TRIM2: variants seen among roughly 807,000 people sequenced by gnomAD.
TRIM2 encodes tripartite motif containing 2, also known as tripartite motif-containing protein 2.
Under a neutral mutation model 75.2 loss-of-function variants are expected in TRIM2, and 20 were observed. The ratio of observed to expected loss-of-function variants is 0.27; its 90% CI spans 0.19 to 0.39. The LOEUF (loss-of-function observed/expected upper bound fraction) is 0.39, where lower values mean the gene tolerates loss of function less well. Ranked by LOEUF, TRIM2 falls within the 10% of genes least tolerant of loss-of-function variation. The probability of loss-of-function intolerance (pLI) is 1.00; values close to 1 mark genes in which losing one functional copy is unlikely to be tolerated. For missense variants in TRIM2, 660 were observed against 990.8 expected (o/e 0.67, Z 4.48); for synonymous variants, 373 against 388.3 (o/e 0.96, Z 0.46).
intron 1 of TRIM2, 41 bp downstream of exon 1, chr4:153,204,601 C>A (rs1181184893): frequency 6.4e-7 from 1 of 1,551,390 alleles, no homozygotes; most frequent in African/African-American, 1.4e-5. Flanking sequence ...TTTTTCTGGG[C>A]CAGCTGGTTA....
intron 1 of TRIM2, among the ~76,000 whole-genome samples, chr4:153,223,656 C>T (rs969190725): frequency 6.6e-6 from 1 of 152,152 alleles, no homozygotes; most frequent in Non-Finnish European, 1.5e-5. Context: ...GACGGTTCGT[C>T]TCACTAAATG....
At chr4:153,232,950 G>A (rs1284408749) in intron 1 of TRIM2, among the ~76,000 whole-genome samples, 1 of 152,124 alleles carries the variant, frequency 6.6e-6, no homozygotes, top group Non-Finnish European at 1.5e-5. Flanking sequence ...TGACAGAGCC[G>A]GGTGGAGCTG....
upstream of TRIM2, among the ~76,000 whole-genome samples, chr4:153,201,715 G>A (rs1380438866): frequency 6.6e-6 from 1 of 151,988 alleles, no homozygotes; most frequent in East Asian, 1.9e-4. Context: ...AAAAAAGAAA[G>A]AAAAAATTTA....
At chr4:153,182,047 C>G (rs1363310776) in intron 1 of TRIM2, among the ~76,000 whole-genome samples, 2 of 152,176 alleles carry the variant, frequency 1.3e-5, no homozygotes, top group African/African-American at 4.8e-5. Context: ...ATGCATGAGG[C>G]TCCCCACCCA....
At chr4:153,233,368 G>C (rs983578734) in intron 1 of TRIM2, among the ~76,000 whole-genome samples, 3 of 151,996 alleles carry the variant, frequency 2.0e-5, no homozygotes, top group Non-Finnish European at 4.4e-5. Flanking sequence ...TGGTGTGGGG[G>C]GTTTTTATTG....
At chr4:153,262,797 C>T (rs182287993) in intron 1 of TRIM2, among the ~76,000 whole-genome samples, 94 of 152,226 alleles carry the variant, frequency 6.2e-4, no homozygotes, top group Non-Finnish European at 1.0e-3. Flanking sequence ...GTTAGTTCGG[C>T]CTACATCTAG....
At chr4:153,222,002 G>GC (rs1560836013) in intron 1 of TRIM2, among the ~76,000 whole-genome samples, 5 of 128,046 alleles carry the variant, frequency 3.9e-5, no homozygotes, top group Admixed American at 8.1e-5. Context: ...GAGGAAGGAA[G>GC]GAAAGAAGGA....
chr4:153,220,963 G>GT (rs1372966278), intron 1 of TRIM2, among the ~76,000 whole-genome samples: 2 of 152,006 alleles, frequency 1.3e-5, no homozygotes, highest in Non-Finnish European at 2.9e-5. Context: ...TAGAATTAGC[G>GT]TATGACCCAG....
At chr4:153,326,937 G>C (rs998646861) in intron 10 of TRIM2, among the ~76,000 whole-genome samples, 5 of 143,366 alleles carry the variant, frequency 3.5e-5, no homozygotes, top group Non-Finnish European at 7.5e-5. Flanking sequence ...CCAAGATTGT[G>C]CCACTGCATT....
chr4:153,235,522 G>C (rs1022137696), intron 1 of TRIM2, among the ~76,000 whole-genome samples: 23 of 152,126 alleles, frequency 1.5e-4, no homozygotes, highest in African/African-American at 5.6e-4. Flanking sequence ...CTCAACTTAA[G>C]TGATCCACCT....
chr4:153,300,895 A>G (rs1276045529), intron 6 of TRIM2, among the ~76,000 whole-genome samples: 1 of 151,660 alleles, frequency 6.6e-6, no homozygotes, highest in Non-Finnish European at 1.5e-5. Flanking sequence ...TTTTATTTTA[A>G]AAATAGACAT....
chr4:153,276,161 G>A, intron 3 of TRIM2, 31 bp downstream of exon 3: 1 of 1,575,054 alleles, frequency 6.3e-7, no homozygotes, highest in Admixed American at 1.7e-5. Context: ...ATACTGCCCG[G>A]GAGCATGACT....
At chr4:153,178,383 T>G (rs1457129070) in intron 1 of TRIM2, among the ~76,000 whole-genome samples, 1 of 152,138 alleles carries the variant, frequency 6.6e-6, no homozygotes, top group Non-Finnish European at 1.5e-5. Context: ...GGTTAATCCC[T>G]CACGTGGCTT....
chr4:153,222,006 A>AG (rs1560836115), intron 1 of TRIM2, among the ~76,000 whole-genome samples: 617 of 42,414 alleles, frequency 0.015, 15 homozygotes, highest in Middle Eastern at 0.02. Context: ...AAGGAAGGAA[A>AG]GAAGGAAGGA....
intron 10 of TRIM2, among the ~76,000 whole-genome samples, chr4:153,328,115 T>G (rs1467349319): frequency 1.3e-5 from 2 of 152,222 alleles, no homozygotes; most frequent in African/African-American, 4.8e-5. Context: ...TACTCTCTGA[T>G]CCAACTTTTA....
chr4:153,174,998 T>TG (rs749717178), intron 1 of TRIM2, among the ~76,000 whole-genome samples: 35 of 110,040 alleles, frequency 3.2e-4, no homozygotes, highest in African/African-American at 9.6e-4. Flanking sequence ...TTGTTGTTGT[T>TG]TTGTTTTTGT....
intron 3 of TRIM2, among the ~76,000 whole-genome samples, chr4:153,284,172 C>T (rs1044939645): frequency 6.6e-6 from 1 of 151,110 alleles, no homozygotes; most frequent in African/African-American, 2.4e-5. Context: ...AGCCATTGCG[C>T]CTGGCCTGGT....
chr4:153,165,052 GT>G (rs1730158894), intron 1 of TRIM2, among the ~76,000 whole-genome samples: 1 of 151,896 alleles, frequency 6.6e-6, no homozygotes, highest in African/African-American at 2.4e-5. Context: ...AATTCAAAAC[GT>G]TCCCGACACT....
chr4:153,210,058 ATTTT>A (rs761134144), intron 1 of TRIM2, among the ~76,000 whole-genome samples: 5 of 106,998 alleles, frequency 4.7e-5, no homozygotes, highest in African/African-American at 1.6e-4. Context: ...GGGTGATTTA[ATTTT>A]TTTTTTTTTT....
Sources: allele counts gnomAD v4.1 joint callset (sites outside exome capture counted in the v4.1 genomes callset), GRCh38; gene constraint gnomAD v4.1.1; transcripts MANE v1.5; gene names NCBI Gene and HGNC (gene_info 2026-07-23, HGNC 2026-07-21).